The following BCL2 variants were observed in gnomAD, a reference collection of about 807,000 sequenced individuals.
BCL2 encodes the protein BCL2 apoptosis regulator.
Under a neutral mutation model 14.2 loss-of-function variants are expected in BCL2, and 1 was observed. The ratio of observed to expected loss-of-function variants is 0.07; its 90% CI spans 0.02 to 0.33. The LOEUF is 0.33. BCL2 is among the 10% of genes least tolerant of loss of function. The pLI is 0.99. For synonymous variants in BCL2, 151 were observed against 137.2 expected (o/e 1.10, Z -0.70); for missense variants, 247 against 305.9 (o/e 0.81, Z 1.44).
intron 2 of BCL2, among the ~76,000 whole-genome samples, chr18:63,264,290 C>T (rs868170996): frequency 1.2e-4 from 19 of 152,188 alleles, no homozygotes; most frequent in South Asian, 8.3e-4. Context: ...CCTAAACCCT[C>T]TCCCTGGCAC....
chr18:63,175,521 C>A (rs1599225681), intron 2 of BCL2, among the ~76,000 whole-genome samples: 1 of 152,210 alleles, frequency 6.6e-6, no homozygotes, highest in East Asian at 1.9e-4. Context: ...CCTGTTAGTT[C>A]ATGTAAGGTC....
At chr18:63,131,385 C>A (rs80076443) in intron 2 of BCL2, among the ~76,000 whole-genome samples, 1 of 152,214 alleles carries the variant, frequency 6.6e-6, no homozygotes, top group East Asian at 1.9e-4. Context: ...AGGCAATAGA[C>A]GTACATAAAA....
intron 2 of BCL2, among the ~76,000 whole-genome samples, chr18:63,223,245 A>G (rs572144649): frequency 3.8e-4 from 58 of 152,278 alleles, no homozygotes; most frequent in African/African-American, 1.3e-3. Context: ...CTAAAAATAG[A>G]AAAAGTTAGC....
intron 2 of BCL2, among the ~76,000 whole-genome samples, chr18:63,227,405 C>T (rs1301103599): frequency 1.3e-5 from 2 of 152,168 alleles, no homozygotes; most frequent in Non-Finnish European, 2.9e-5. Flanking sequence ...GACGTGGTTT[C>T]ACCGTATTGC....
intron 2 of BCL2, among the ~76,000 whole-genome samples, chr18:63,193,014 G>A (rs1909329143): frequency 6.6e-6 from 1 of 152,166 alleles, no homozygotes; most frequent in Non-Finnish European, 1.5e-5. Flanking sequence ...GTGATGAAAT[G>A]TCACACTCAA....
chr18:63,203,465 T>C (rs528231992), intron 2 of BCL2, among the ~76,000 whole-genome samples: 10 of 152,208 alleles, frequency 6.6e-5, no homozygotes, highest in Non-Finnish European at 1.3e-4. Flanking sequence ...TCATATATGA[T>C]TGTGATTGTA....
At chr18:63,232,720 C>G (rs1910722850) in intron 2 of BCL2, among the ~76,000 whole-genome samples, 1 of 152,196 alleles carries the variant, frequency 6.6e-6, no homozygotes. Flanking sequence ...TTGGCAACGC[C>G]TACCAACCTT....
chr18:63,225,421 G>A (rs1910517813), intron 2 of BCL2, among the ~76,000 whole-genome samples: 1 of 152,112 alleles, frequency 6.6e-6, no homozygotes, highest in Non-Finnish European at 1.5e-5. Flanking sequence ...GAAATGCAGA[G>A]ACATATATAT....
intron 2 of BCL2, among the ~76,000 whole-genome samples, chr18:63,209,814 G>A (rs559417348): frequency 6.6e-6 from 1 of 152,254 alleles, no homozygotes; most frequent in South Asian, 2.1e-4. Context: ...AGAGAAGCTG[G>A]CATGTTGGAC....
chr18:63,229,827 C>A (rs1482516374), intron 2 of BCL2, among the ~76,000 whole-genome samples: 1 of 152,204 alleles, frequency 6.6e-6, no homozygotes, highest in Non-Finnish European at 1.5e-5. Flanking sequence ...AATGTCACAT[C>A]CATGAGGATC....
chr18:63,190,875 C>T (rs1377489301), intron 2 of BCL2, among the ~76,000 whole-genome samples: 2 of 152,144 alleles, frequency 1.3e-5, no homozygotes, highest in Admixed American at 1.3e-4. Context: ...CCTCAACAGG[C>T]TCCAGTGTGT....
chr18:63,154,488 G>C (rs1213904334), intron 2 of BCL2, among the ~76,000 whole-genome samples: 1 of 152,090 alleles, frequency 6.6e-6, no homozygotes, highest in African/African-American at 2.4e-5. Context: ...CACGCTTCCA[G>C]ACTCCCCTCT....
At chr18:63,235,072 A>G (rs1910788262) in intron 2 of BCL2, among the ~76,000 whole-genome samples, 1 of 152,248 alleles carries the variant, frequency 6.6e-6, no homozygotes, top group South Asian at 2.1e-4. Context: ...TATGCAAATG[A>G]AAATATGCTC....
chr18:63,319,103 CT>C, intron 1 of BCL2, 70 bp downstream of exon 1: 1 of 1,026,914 alleles, frequency 9.7e-7, no homozygotes, highest in Non-Finnish European at 1.2e-6. Flanking sequence ...CTCGAATGCA[CT>C]TTAAGTAAAA....
At chr18:63,223,693 G>T (rs1484898147) in intron 2 of BCL2, among the ~76,000 whole-genome samples, 2 of 152,142 alleles carry the variant, frequency 1.3e-5, no homozygotes, top group Non-Finnish European at 2.9e-5. Context: ...GTGTTCTCTG[G>T]AGAATCTGAC....
intron 2 of BCL2, among the ~76,000 whole-genome samples, chr18:63,174,574 C>G (rs1915304473): frequency 6.6e-6 from 1 of 152,140 alleles, no homozygotes; most frequent in Non-Finnish European, 1.5e-5. Flanking sequence ...AATCCCAGCA[C>G]TTTGGGAGGC....
At chr18:63,304,019 A>C (rs1913043848) in intron 2 of BCL2, among the ~76,000 whole-genome samples, 1 of 152,202 alleles carries the variant, frequency 6.6e-6, no homozygotes. Flanking sequence ...AATGAAGAAA[A>C]ACCCATTAAA....
At chr18:63,234,496 A>G (rs1312787128) in intron 2 of BCL2, among the ~76,000 whole-genome samples, 2 of 46,598 alleles carry the variant, frequency 4.3e-5, no homozygotes, top group African/African-American at 8.7e-5. Flanking sequence ...ATCACCGATC[A>G]TTTCCCCAAC....
chr18:63,278,698 C>A (rs1912226031), intron 2 of BCL2, among the ~76,000 whole-genome samples: 1 of 152,188 alleles, frequency 6.6e-6, no homozygotes, highest in Non-Finnish European at 1.5e-5. Flanking sequence ...TTGCAGCAGT[C>A]CCTCTACCTA....
Sources: allele counts gnomAD v4.1 joint callset (sites outside exome capture counted in the v4.1 genomes callset), GRCh38; gene constraint gnomAD v4.1.1; transcripts MANE v1.5; gene names NCBI Gene and HGNC (gene_info 2026-07-23, HGNC 2026-07-21).